Variants in PRDM16 observed in about 807,000 individuals in gnomAD.
PRDM16 encodes histone-lysine N-methyltransferase PRDM16.
In PRDM16, 23 loss-of-function variants were observed where a neutral mutation model predicts 110.6. The observed-to-expected ratio is 0.21, with a 90% confidence interval of 0.15 to 0.29. The LOEUF (loss-of-function observed/expected upper bound fraction) is 0.29. Ranked by LOEUF, PRDM16 falls within the 10% of genes least tolerant of loss-of-function variation. The pLI is 1.00. For missense variants in PRDM16, 1,615 were observed against 1,794.3 expected (o/e 0.90, Z 1.81); for synonymous variants, 799 against 781.8 (o/e 1.02, Z -0.37).
At chr1:3,219,333 A>G (rs1639100247) in intron 2 of PRDM16, among the ~76,000 whole-genome samples, 1 of 152,262 alleles carries the variant, frequency 6.6e-6, no homozygotes, top group African/African-American at 2.4e-5. Context: ...AAGCAGCTCT[A>G]AAGAGGGTCA....
intron 3 of PRDM16, among the ~76,000 whole-genome samples, chr1:3,341,065 C>CTCTGAGCCCTCGTTTCTCCCCCT (rs35146930): frequency 7.5e-5 from 11 of 146,856 alleles, no homozygotes; most frequent in African/African-American, 1.9e-4. Context: ...GTTGCTGCCC[C>CTCTGAGCCCTCGTTTCTCCCCCT]CTGAGCCCTC....
intron 3 of PRDM16, among the ~76,000 whole-genome samples, chr1:3,277,329 G>A (rs1640609090): frequency 6.6e-6 from 1 of 152,194 alleles, no homozygotes; most frequent in Admixed American, 6.5e-5. Flanking sequence ...CTCTCCCTGT[G>A]GCGCACTGGC....
rs1643388363 is a variant in PRDM16, at chr1:3,396,494, T to C, written c.577T>C (p.Tyr193His). The change falls in exon 5 of 17, where the codon TAC (tyrosine) becomes CAC (histidine). Residue 193 changes from tyrosine to histidine, a missense_variant. Coordinates refer to ENST00000270722, the MANE Select transcript of PRDM16 (RefSeq NM_022114.4). The part of the protein sequence containing the change: ...LTMCQISEQI[Y>H]YKVIKDIEPG... The stretch of plus-strand genomic sequence containing the variant: ...CTCTCTGGTCTCTCCATCCTAGATT[T>C]ACTATAAAGTCATTAAGGACATTGA... The C allele has an allele frequency of 1.9e-6, 3 of 1,566,914 alleles. No individual in the cohort carries two copies. Among genetic ancestry groups the C allele is most frequent in the Non-Finnish European group, 2.6e-6 (3 of 1,144,446 alleles).
At chr1:3,237,931 A>C (rs1639575231) in intron 2 of PRDM16, 1 of 152,276 alleles carries the variant, frequency 6.6e-6, no homozygotes, top group Admixed American at 6.5e-5. Flanking sequence ...GGCCGGAGCA[A>C]AGCACAAGGC....
At chr1:3,283,661 A>G (rs1569990532) in intron 3 of PRDM16, among the ~76,000 whole-genome samples, 1 of 151,766 alleles carries the variant, frequency 6.6e-6, no homozygotes. Context: ...AGGAAGAGAC[A>G]GGGGGTGGTC....
At chr1:3,219,088 T>G (rs1254454254) in intron 2 of PRDM16, among the ~76,000 whole-genome samples, 1 of 152,228 alleles carries the variant, frequency 6.6e-6, no homozygotes, top group Non-Finnish European at 1.5e-5. Context: ...CTTTAGGATT[T>G]GTGGTGAGGG....
chr1:3,401,671 C>T (rs548496547), intron 5 of PRDM16, among the ~76,000 whole-genome samples: 1 of 152,342 alleles, frequency 6.6e-6, no homozygotes, highest in South Asian at 2.1e-4. Context: ...AACACATATG[C>T]ACACACAACA....
At chr1:3,162,366 C>T (rs1231457554) in intron 1 of PRDM16, among the ~76,000 whole-genome samples, 3 of 152,200 alleles carry the variant, frequency 2.0e-5, no homozygotes, top group Non-Finnish European at 4.4e-5. Flanking sequence ...CGCGAAGCCT[C>T]GGTTCCACTT....
chr1:3,320,982 G>GAAACGCGTGCCCTTCCTCA (rs1553162833), intron 3 of PRDM16, among the ~76,000 whole-genome samples: 1 of 152,222 alleles, frequency 6.6e-6, no homozygotes, highest in African/African-American at 2.4e-5. Context: ...CGAGGGAGAC[G>GAAACGCGTGCCCTTCCTCA]AAACGCGTGC....
At chr1:3,231,993 G>C (rs573596333) in intron 2 of PRDM16, among the ~76,000 whole-genome samples, 1 of 152,212 alleles carries the variant, frequency 6.6e-6, no homozygotes, top group East Asian at 1.9e-4. Flanking sequence ...CCTGTCACTG[G>C]GTCCCATTAG....
At chr1:3,377,473 A>G (rs1452453171) in intron 3 of PRDM16, among the ~76,000 whole-genome samples, 1 of 152,196 alleles carries the variant, frequency 6.6e-6, no homozygotes, top group Non-Finnish European at 1.5e-5. Flanking sequence ...TATATGCAAA[A>G]AATGTAAAGG....
At chr1:3,114,665 AAC>A (rs1193129993) in intron 1 of PRDM16, among the ~76,000 whole-genome samples, 2 of 152,050 alleles carry the variant, frequency 1.3e-5, no homozygotes, top group South Asian at 2.1e-4. Context: ...TGCACACACA[AAC>A]ACACATGCAC....
intron 1 of PRDM16, among the ~76,000 whole-genome samples, chr1:3,077,576 T>A (rs764991648): frequency 1.3e-5 from 2 of 152,188 alleles, no homozygotes; most frequent in Non-Finnish European, 2.9e-5. Context: ...TTCCTGGAAT[T>A]TGGGGTCCTG....
rs1641991760 is a variant in PRDM16, at chr1:3,080,253, A to C, written c.37+10957A>C. 6.6e-6 allele frequency among the ~76,000 whole-genome samples: 1 copy of C among 152,174 alleles called. No homozygotes were observed. Among genetic ancestry groups the C allele is most frequent in the Non-Finnish European group, 1.5e-5 (1 of 68,030 alleles). On this transcript the variant is annotated intron_variant, in intron 1 of 16. Transcript: ENST00000270722. This position sits in a 1 kb window ranked among gnomAD's most constrained non-coding sequence, Gnocchi z 5.2. ...GATGTGTCTGTGTGTGAAAATATTA[A>C]ATTGCAATAACACGCCGTGCGAGTG...
At chr1:3,418,852 AGCAGGCAGTGG>A in intron 12 of PRDM16, 108 bp downstream of exon 12, 1 of 850,230 alleles carries the variant, frequency 1.2e-6, no homozygotes, top group Non-Finnish European at 2.0e-6. Context: ...TGCTGGAGTG[AGCAGGCAGTGG>A]GCAGGGCCGG....
At chr1:3,316,735 G>A (rs796279571) in intron 3 of PRDM16, among the ~76,000 whole-genome samples, 7 of 152,028 alleles carry the variant, frequency 4.6e-5, no homozygotes, top group African/African-American at 1.7e-4. Flanking sequence ...GTGACACGGT[G>A]TAGGCAGGAA....
chr1:3,267,500 C>T (rs4648467), intron 3 of PRDM16, among the ~76,000 whole-genome samples: 8 of 152,164 alleles, frequency 5.3e-5, no homozygotes, highest in Admixed American at 3.3e-4. Context: ...GATCGATTCC[C>T]GTGGAGAGCG....
At position 3,408,485 on chromosome 1, in the gene PRDM16, AGTGT is replaced by A. The variant is rs374801344; in HGVS notation, c.1186+2841_1186+2844del. 8.0e-4 allele frequency among the ~76,000 whole-genome samples: 122 copies of A among 152,070 alleles called. No individual in the cohort carries two copies. The East Asian group carries it at 0.019, about 23-fold the overall frequency. On this transcript the variant is annotated intron_variant, in intron 8 of 16. Coordinates refer to ENST00000270722, the MANE Select transcript of PRDM16 (RefSeq NM_022114.4). ...GCTTTAATAAGTATGCACGTGTGAGAGTGTGTGAGTGTGGGCGCGTGCACCGGTG... is the reference window on the plus strand; with the variant it reads ...GCTTTAATAAGTATGCACGTGTGAGAGTGAGTGTGGGCGCGTGCACCGGTG...
chr1:3,198,441 A>G (rs1238061657), intron 2 of PRDM16, among the ~76,000 whole-genome samples: 1 of 152,234 alleles, frequency 6.6e-6, no homozygotes, highest in Non-Finnish European at 1.5e-5. Context: ...AGCTGCCAGG[A>G]TGCCGTGAGT....
Sources: allele counts gnomAD v4.1 joint callset (sites outside exome capture counted in the v4.1 genomes callset), GRCh38; gene constraint gnomAD v4.1.1; non-coding constraint Gnocchi (gnomAD v3.1); transcripts MANE v1.5; gene names NCBI Gene and HGNC (gene_info 2026-07-23, HGNC 2026-07-21).